SPATA16: variants seen among roughly 807,000 people sequenced by gnomAD.
The protein encoded by SPATA16 is spermatogenesis associated 16.
In SPATA16, 36 loss-of-function variants were observed where a neutral mutation model predicts 63.3. That is an observed-to-expected ratio of 0.57 (90% CI 0.44 to 0.75). SPATA16 has a LOEUF of 0.75. SPATA16 is among the 30% of genes least tolerant of loss of function. The pLI, the probability that SPATA16 is intolerant of heterozygous loss-of-function variation, is 0.00. For synonymous variants in SPATA16, 203 were observed against 216.7 expected (o/e 0.94, Z 0.56); for missense variants, 646 against 679.3 (o/e 0.95, Z 0.54).
At chr3:173,012,175 C>T (rs1339286821) in intron 4 of SPATA16, among the ~76,000 whole-genome samples, 3 of 152,066 alleles carry the variant, frequency 2.0e-5, no homozygotes, top group Non-Finnish European at 1.5e-5. Flanking sequence ...AGAATGCAGT[C>T]TCATTTACAA....
chr3:173,131,304 T>C (rs1175669400), intron 1 of SPATA16, among the ~76,000 whole-genome samples: 2 of 152,218 alleles, frequency 1.3e-5, no homozygotes, highest in East Asian at 3.8e-4. Context: ...GATCAGAACT[T>C]CTGTTGAGAA....
At chr3:173,137,832 C>A (rs1230658671) in intron 1 of SPATA16, among the ~76,000 whole-genome samples, 1 of 142,556 alleles carries the variant, frequency 7.0e-6, no homozygotes, top group African/African-American at 2.8e-5. Context: ...AACACACACA[C>A]ACACACACAC....
At chr3:172,935,559 G>A (rs1732969766) in intron 6 of SPATA16, among the ~76,000 whole-genome samples, 1 of 152,126 alleles carries the variant, frequency 6.6e-6, no homozygotes, top group South Asian at 2.1e-4. Flanking sequence ...ACAAATATAA[G>A]TCAGACGTTA....
chr3:173,137,822 AACAC>A (rs1185263699), intron 1 of SPATA16, among the ~76,000 whole-genome samples: 4,597 of 122,206 alleles, frequency 0.038, 115 homozygotes, highest in African/African-American at 0.072. Flanking sequence ...ATGGACTCTC[AACAC>A]ACACACACAC....
chr3:173,127,922 A>C (rs1738269590), intron 1 of SPATA16, among the ~76,000 whole-genome samples: 2 of 152,244 alleles, frequency 1.3e-5, no homozygotes, highest in African/African-American at 4.8e-5. Context: ...GAACCAATCT[A>C]AACTATGATG....
At chr3:173,039,641 G>C (rs1336112005) in intron 3 of SPATA16, among the ~76,000 whole-genome samples, 1 of 151,914 alleles carries the variant, frequency 6.6e-6, no homozygotes, top group Non-Finnish European at 1.5e-5. Flanking sequence ...GATAAGATGA[G>C]GTTAAATTTT....
At chr3:172,980,407 G>A (rs1453362041) in intron 4 of SPATA16, among the ~76,000 whole-genome samples, 2 of 152,142 alleles carry the variant, frequency 1.3e-5, no homozygotes, top group South Asian at 4.2e-4. Flanking sequence ...TGTTGCTTCC[G>A]ACTATTTTCA....
At chr3:173,064,172 G>A (rs568841011) in intron 2 of SPATA16, among the ~76,000 whole-genome samples, 1 of 152,024 alleles carries the variant, frequency 6.6e-6, no homozygotes, top group South Asian at 2.1e-4. Flanking sequence ...GCTGGGCATG[G>A]TGGCACGCAC....
At chr3:173,043,532 C>A (rs1387935290) in intron 3 of SPATA16, among the ~76,000 whole-genome samples, 2 of 151,826 alleles carry the variant, frequency 1.3e-5, no homozygotes, top group African/African-American at 4.8e-5. Flanking sequence ...CTATCATTTT[C>A]TGTTTAAACA....
intron 8 of SPATA16, among the ~76,000 whole-genome samples, chr3:172,923,075 C>A (rs1328691433): frequency 2.0e-5 from 3 of 152,170 alleles, no homozygotes; most frequent in African/African-American, 7.2e-5. Flanking sequence ...TGAAATAATG[C>A]TACACGGTGA....
At chr3:172,988,595 A>G (rs1283286688) in intron 4 of SPATA16, among the ~76,000 whole-genome samples, 2 of 152,212 alleles carry the variant, frequency 1.3e-5, no homozygotes, top group Admixed American at 6.5e-5. Context: ...GGCACCTTAA[A>G]GGTTGATGGA....
intron 10 of SPATA16, among the ~76,000 whole-genome samples, chr3:172,907,993 A>G (rs1035144220): frequency 6.6e-6 from 1 of 152,060 alleles, no homozygotes; most frequent in African/African-American, 2.4e-5. Context: ...TTTCTCCCCC[A>G]TGGGGCATTC....
intron 4 of SPATA16, among the ~76,000 whole-genome samples, chr3:173,006,127 A>G (rs1412415327): frequency 6.6e-6 from 1 of 152,188 alleles, no homozygotes; most frequent in Admixed American, 6.5e-5. Flanking sequence ...AAATGACTCA[A>G]TCTGTCTTTA....
chr3:173,102,770 A>T (rs752270802), intron 2 of SPATA16, among the ~76,000 whole-genome samples: 1 of 152,196 alleles, frequency 6.6e-6, no homozygotes, highest in South Asian at 2.1e-4. Flanking sequence ...AAGAAACATA[A>T]TAATGTCTTC....
intron 10 of SPATA16, among the ~76,000 whole-genome samples, chr3:172,894,853 C>T (rs904537670): frequency 3.9e-5 from 6 of 152,206 alleles, no homozygotes; most frequent in Non-Finnish European, 8.8e-5. Context: ...GAAAAGGGGC[C>T]TTCAGTGGAC....
intron 2 of SPATA16, among the ~76,000 whole-genome samples, chr3:173,113,382 T>A (rs1200488540): frequency 6.6e-6 from 1 of 152,192 alleles, no homozygotes; most frequent in Admixed American, 6.5e-5. Flanking sequence ...TTGAGAAAGA[T>A]TGATGAGGTG....
intron 3 of SPATA16, among the ~76,000 whole-genome samples, chr3:173,036,987 A>T (rs1218188758): frequency 6.6e-6 from 1 of 152,064 alleles, no homozygotes; most frequent in Non-Finnish European, 1.5e-5. Context: ...TGAGACTCAC[A>T]TAAGCAAAAA....
chr3:173,123,601 A>ATTTT (rs541550629), intron 1 of SPATA16, among the ~76,000 whole-genome samples: 2 of 136,540 alleles, frequency 1.5e-5, no homozygotes, highest in African/African-American at 5.4e-5. Context: ...AAGGTATTAG[A>ATTTT]TTTTTTTTTT....
chr3:173,020,129 C>G (rs1735291246), intron 3 of SPATA16, among the ~76,000 whole-genome samples: 1 of 151,950 alleles, frequency 6.6e-6, no homozygotes, highest in South Asian at 2.1e-4. Context: ...AACCCTGTCT[C>G]TACTAAAAAA....
Sources: allele counts gnomAD v4.1 joint callset (sites outside exome capture counted in the v4.1 genomes callset), GRCh38; gene constraint gnomAD v4.1.1; transcripts MANE v1.5; gene names NCBI Gene and HGNC (gene_info 2026-07-23, HGNC 2026-07-21).